AKAP13: variants seen among roughly 807,000 people sequenced by gnomAD.
AKAP13 encodes the protein A-kinase anchor protein 13.
Under a neutral mutation model 264.5 loss-of-function variants are expected in AKAP13, and 80 were observed. That is an observed-to-expected ratio of 0.30 (90% confidence interval 0.25 to 0.36). The LOEUF (loss-of-function observed/expected upper bound fraction) is 0.36. AKAP13 is among the 10% of genes least tolerant of loss of function. AKAP13 has a pLI of 1.00. For missense variants in AKAP13, 3,712 were observed against 3,435.2 expected (o/e 1.08, Z -2.01); for synonymous variants, 1,380 against 1,250.2 (o/e 1.10, Z -2.19).
At chr15:85,629,540 T>C (rs931993224) in intron 8 of AKAP13, among the ~76,000 whole-genome samples, 2 of 152,088 alleles carry the variant, frequency 1.3e-5, no homozygotes, top group Non-Finnish European at 2.9e-5. Flanking sequence ...ATAGATGCGA[T>C]TTTGTTCTCT....
At chr15:85,690,599 A>G (rs2085226467) in intron 16 of AKAP13, among the ~76,000 whole-genome samples, 1 of 152,178 alleles carries the variant, frequency 6.6e-6, no homozygotes, top group Admixed American at 6.5e-5. Context: ...CATTATATGT[A>G]TTTGATTAAC....
intron 10 of AKAP13, among the ~76,000 whole-genome samples, chr15:85,647,195 T>TC (rs935310242): frequency 8.3e-4 from 126 of 152,126 alleles, no homozygotes; most frequent in African/African-American, 3.0e-3. Flanking sequence ...GGTCAGGAGT[T>TC]CGAGACCAGC....
intron 14 of AKAP13, among the ~76,000 whole-genome samples, chr15:85,678,427 A>G (rs1045275035): frequency 2.6e-5 from 4 of 152,232 alleles, no homozygotes; most frequent in African/African-American, 9.6e-5. Context: ...CTTATTAAGG[A>G]TTTGGTATAT....
chr15:85,641,058 T>C (rs1018183852), intron 9 of AKAP13, among the ~76,000 whole-genome samples: 6 of 152,196 alleles, frequency 3.9e-5, no homozygotes, highest in Non-Finnish European at 7.3e-5. Context: ...TTAGGCATAG[T>C]GTTTTTGTGA....
intron 2 of AKAP13, among the ~76,000 whole-genome samples, chr15:85,504,274 CTG>C (rs901669738): frequency 1.6e-4 from 25 of 152,056 alleles, no homozygotes; most frequent in African/African-American, 5.5e-4. Flanking sequence ...CATCTGCTCT[CTG>C]GGAGAGGAGA....
intron 1 of AKAP13, among the ~76,000 whole-genome samples, chr15:85,434,801 C>G (rs1369830669): frequency 6.7e-6 from 1 of 150,120 alleles, no homozygotes; most frequent in Non-Finnish European, 1.5e-5. Flanking sequence ...AAAGGACATC[C>G]ACACCGAAAA....
intron 13 of AKAP13, among the ~76,000 whole-genome samples, chr15:85,667,232 T>C (rs1305907121): frequency 6.6e-6 from 1 of 152,248 alleles, no homozygotes. Context: ...ACTGAAGGAT[T>C]ATCTTAGTAA....
intron 3 of AKAP13, among the ~76,000 whole-genome samples, chr15:85,523,440 T>A (rs1053568166): frequency 2.0e-5 from 3 of 152,162 alleles, no homozygotes; most frequent in African/African-American, 7.2e-5. Flanking sequence ...TTCAGGCCCT[T>A]ACTCAGTATC....
chr15:85,548,888 C>G (rs1255729645), intron 5 of AKAP13, among the ~76,000 whole-genome samples: 1 of 148,292 alleles, frequency 6.7e-6, no homozygotes, highest in African/African-American at 2.5e-5. Context: ...CTTAACCTCT[C>G]CAAACCTCAG....
In AKAP13 at chr15:85,610,384, C is replaced by T. The variant is rs562088028; in HGVS notation, c.4161+24561C>T. On this transcript the variant is annotated intron_variant, in intron 8 of 36. Transcript: ENST00000394518. Reference sequence around the variant, plus strand: ...GCTATATGAAACCTTTGTTCATATTCCTGACCAAGACAGCAGTACGTGTAT... The same window carrying T: ...GCTATATGAAACCTTTGTTCATATTTCTGACCAAGACAGCAGTACGTGTAT... Among the ~76,000 whole-genome samples the T allele has an allele frequency of 4.4e-4, 67 of 152,314 alleles. 2 individuals carry two copies. Among genetic ancestry groups the T allele is most frequent in the Admixed American group, 3.7e-3 (57 of 15,298 alleles).
chr15:85,521,272 A>G (rs1006890206), intron 2 of AKAP13, among the ~76,000 whole-genome samples, 156 bp from the exon 3 acceptor site: 4 of 152,228 alleles, frequency 2.6e-5, no homozygotes, highest in Non-Finnish European at 5.9e-5. Flanking sequence ...TGCCTGGTGT[A>G]TAAGTGCTCA....
intron 1 of AKAP13, among the ~76,000 whole-genome samples, chr15:85,484,417 C>T (rs150334474): frequency 6.6e-6 from 1 of 152,056 alleles, no homozygotes; most frequent in East Asian, 1.9e-4. Context: ...GTGCCCTGAG[C>T]CAGGAGGTCT....
chr15:85,420,574 C>G (rs769197949), intron 1 of AKAP13, among the ~76,000 whole-genome samples: 10 of 152,118 alleles, frequency 6.6e-5, no homozygotes, highest in Non-Finnish European at 1.3e-4. Flanking sequence ...AAACTCTTAC[C>G]CTAATTGGGA....
chr15:85,650,856 G>T (rs118034102), intron 10 of AKAP13, among the ~76,000 whole-genome samples: 2 of 149,246 alleles, frequency 1.3e-5, no homozygotes, highest in African/African-American at 4.9e-5. Context: ...CTGTGAACCA[G>T]TGGTAATGCT....
chr15:85,406,155 A>G (rs2071651321), intron 1 of AKAP13, among the ~76,000 whole-genome samples: 1 of 152,156 alleles, frequency 6.6e-6, no homozygotes, highest in South Asian at 2.1e-4. Flanking sequence ...CCAGACCAAA[A>G]TGCTCTTAAG....
At chr15:85,617,495 C>T (rs1477404361) in intron 8 of AKAP13, among the ~76,000 whole-genome samples, 2 of 152,214 alleles carry the variant, frequency 1.3e-5, no homozygotes, top group Non-Finnish European at 1.5e-5. Context: ...TTGCCTTGGC[C>T]TCCCAAAGTG....
At chr15:85,737,142 A>T (rs962897820) in intron 33 of AKAP13, among the ~76,000 whole-genome samples, 2 of 150,504 alleles carry the variant, frequency 1.3e-5, no homozygotes, top group Non-Finnish European at 3.0e-5. Context: ...CTGATCTTGA[A>T]CTCCTGACCT....
At chr15:85,656,813 T>C (rs1036793043) in intron 11 of AKAP13, among the ~76,000 whole-genome samples, 3 of 152,172 alleles carry the variant, frequency 2.0e-5, no homozygotes, top group Non-Finnish European at 4.4e-5. Flanking sequence ...CTTTAAAGAA[T>C]GAGTATGGTA....
intron 26 of AKAP13, among the ~76,000 whole-genome samples, chr15:85,723,828 T>C (rs796385334): frequency 1.2e-4 from 19 of 152,342 alleles, no homozygotes; most frequent in African/African-American, 4.6e-4. Flanking sequence ...TTAGATTTTT[T>C]TATTGTTATA....
Sources: gnomAD v4.1 joint callset for allele counts (sites outside exome capture counted in the v4.1 genomes callset) on GRCh38, gnomAD v4.1.1 for gene constraint, MANE v1.5 for transcripts, NCBI Gene and HGNC (gene_info 2026-07-23, HGNC 2026-07-21) for gene names.